SMG5: variants seen among roughly 807,000 people sequenced by gnomAD.
SMG5 encodes SMG5 nonsense mediated mRNA decay factor, also known as nonsense-mediated mRNA decay factor SMG5.
Under a neutral mutation model 122.9 loss-of-function variants are expected in SMG5, and 53 were observed. The observed-to-expected ratio is 0.43, with a 90% CI of 0.35 to 0.54. The LOEUF (loss-of-function observed/expected upper bound fraction) is 0.54, where lower values mean the gene tolerates loss of function less well. Ranked by LOEUF, SMG5 falls within the 20% of genes least tolerant of loss-of-function variation. The pLI, the probability that SMG5 is intolerant of heterozygous loss-of-function variation, is 0.01. For synonymous variants in SMG5, 477 were observed against 490.2 expected, an observed-to-expected ratio of 0.97 and a Z score of 0.35; for missense variants, 1,153 against 1,285.6, an observed-to-expected ratio of 0.90 and a Z score of 1.58.
chr1:156,261,806 C>T (rs1224690312), intron 13 of SMG5, among the ~76,000 whole-genome samples: 1 of 150,150 alleles, frequency 6.7e-6, no homozygotes, highest in South Asian at 2.1e-4. Flanking sequence ...AGGAGAATCG[C>T]TTGAACCCAG....
At position 156,266,689 on chromosome 1, in the gene SMG5, G is replaced by A. The variant is rs905208232; in HGVS notation, c.1118-11C>T. The A allele has an allele frequency of 1.2e-6, 2 of 1,613,954 alleles. No homozygotes were observed. The highest frequency in any genetic ancestry group is 1.3e-5 in the African/African-American group (1 of 74,918). On this transcript the variant is annotated splice_polypyrimidine_tract_variant and intron_variant, in intron 10 of 21. Coordinates refer to ENST00000361813, the MANE Select transcript of SMG5 (RefSeq NM_015327.3). ...TGTACTGCTTGGATCCTGAAGTCAG[G>A]AAAGCCAGGCATTAGGGGCCTAGGG...
chr1:156,276,217 G>C (rs574874802), intron 4 of SMG5, among the ~76,000 whole-genome samples: 6 of 149,162 alleles, frequency 4.0e-5, no homozygotes, highest in Admixed American at 3.4e-4. Context: ...ACCTCCACCT[G>C]CCGGGTTCAG....
At chr1:156,282,037 T>G (rs984896951) in intron 1 of SMG5, among the ~76,000 whole-genome samples, 1 of 152,230 alleles carries the variant, frequency 6.6e-6, no homozygotes, top group African/African-American at 2.4e-5. Flanking sequence ...AAGTCGTTCG[T>G]GACCCTTCCA....
chr1:156,267,670 T>A lies in SMG5; in HGVS notation c.917A>T (p.Asp306Val). ...CTGGCAAAGTGAGGTCAGCTCTGAG[T>A]CCACGGAGCTACAGAGGGGCAGGAG... ...SLLQPKSSSVDSELTSLCQSV... is the reference protein window; with the variant it reads ...SLLQPKSSSVVSELTSLCQSV... The change falls in exon 10 of 22, where the codon GAC becomes GTC. Residue 306 changes from aspartate to valine, a missense_variant. By Grantham distance (152) the Asp-to-Val change is radical. Coordinates refer to ENST00000361813, the MANE Select transcript of SMG5 (RefSeq NM_015327.3). 6.2e-7 allele frequency: 1 copy of A among 1,608,396 alleles called. No homozygotes were observed. The highest frequency in any genetic ancestry group is 2.2e-5 in the East Asian group (1 of 44,776).
At chr1:156,285,600 C>T (rs777765530), upstream of SMG5, 61 of 1,614,100 alleles carry the variant, frequency 3.8e-5, no homozygotes, top group Non-Finnish European at 4.9e-5. Flanking sequence ...CCTGAGAAAG[C>T]GGCCCGTGCC....
chr1:156,288,197 C>CAAAAA, the SMG5 span, among the ~76,000 whole-genome samples: 1 of 56,886 alleles, frequency 1.8e-5, no homozygotes, highest in Non-Finnish European at 3.8e-5. Context: ...GACTCCGTCT[C>CAAAAA]AAAAAAAAAA....
intron 5 of SMG5, among the ~76,000 whole-genome samples, chr1:156,273,759 C>T (rs569859832): frequency 7.4e-6 from 1 of 134,830 alleles, no homozygotes; most frequent in African/African-American, 2.8e-5. Flanking sequence ...GTCTTGCTGT[C>T]ACCCAGGCTG....
At chr1:156,278,696 C>T (rs188848874) in intron 2 of SMG5, among the ~76,000 whole-genome samples, 62 of 152,152 alleles carry the variant, frequency 4.1e-4, no homozygotes, top group Middle Eastern at 3.4e-3. Flanking sequence ...TTTTATTTTA[C>T]TCTACTTTTT....
At chr1:156,250,739 G>A (rs1410931918) in intron 21 of SMG5, 69 bp from the exon 22 acceptor site, 31 of 1,600,966 alleles carry the variant, frequency 1.9e-5, no homozygotes, top group African/African-American at 4.0e-5. Flanking sequence ...TTGTTGAGGC[G>A]CTGGGGAAGG....
At chr1:156,264,239 G>A (rs951616268) in intron 12 of SMG5, among the ~76,000 whole-genome samples, 1 of 122,396 alleles carries the variant, frequency 8.2e-6, no homozygotes, top group Admixed American at 1.1e-4. Flanking sequence ...CTGCACTCCA[G>A]CCTGGGCAAC....
chr1:156,275,857 C>G (rs193178106), intron 4 of SMG5, among the ~76,000 whole-genome samples: 3 of 151,342 alleles, frequency 2.0e-5, no homozygotes, highest in Non-Finnish European at 2.9e-5. Context: ...TGTATTGCCC[C>G]GGCTGGAGTT....
chr1:156,258,762 T>C (rs2103214753), intron 16 of SMG5, among the ~76,000 whole-genome samples: 1 of 151,178 alleles, frequency 6.6e-6, no homozygotes, highest in Admixed American at 6.6e-5. Context: ...CGTCACTTGC[T>C]CCAGCCTGGC....
At chr1:156,266,724 G>A in intron 10 of SMG5, 46 bp from the exon 11 acceptor site, 1 of 1,605,544 alleles carries the variant, frequency 6.2e-7, no homozygotes, top group Non-Finnish European at 8.5e-7. Flanking sequence ...GCCCTGATGA[G>A]GAGTAGGCAC....
At chr1:156,265,034 A>AC (rs1558237912) in intron 12 of SMG5, among the ~76,000 whole-genome samples, 2 of 46,524 alleles carry the variant, frequency 4.3e-5, no homozygotes, top group South Asian at 1.5e-3. Context: ...TCAAAAAAAA[A>AC]ATACACACAC....
In SMG5 at chr1:156,250,522, C is replaced by A; in HGVS notation, c.*65G>T. 1 of 1,431,282 alleles carries A rather than the reference C, an allele frequency of 7.0e-7. No homozygotes were observed. Among genetic ancestry groups the A allele is most frequent in the South Asian group, 1.2e-5 (1 of 86,932 alleles). The allele number at this position is 1,431,282 out of a possible 1,614,324, so 88.7% of individuals were successfully genotyped here. A position where few individuals can be genotyped will look rare whatever the true frequency, so the allele number is the denominator to read the frequency against. On this transcript the variant is annotated 3_prime_UTR_variant, in exon 22 of 22. Coordinates refer to ENST00000361813, the MANE Select transcript of SMG5 (RefSeq NM_015327.3). ...TGGTGGGGTGACTACAGGTGCTGGT[C>A]CTGGCTGCCAGGGAGGGCAGGAGAG...
At chr1:156,268,516 C>T in intron 7 of SMG5, 101 bp from the exon 8 acceptor site, 1 of 1,454,030 alleles carries the variant, frequency 6.9e-7, no homozygotes, top group East Asian at 2.3e-5. Context: ...ACAGGCTGCT[C>T]CCAGCCTCAG....
intron 13 of SMG5, among the ~76,000 whole-genome samples, chr1:156,262,509 G>A (rs1232194627): frequency 1.3e-5 from 2 of 149,594 alleles, no homozygotes; most frequent in East Asian, 3.9e-4. Context: ...GGAGAAAGCA[G>A]CGAAACCACA....
At position 156,268,397 on chromosome 1, in the gene SMG5, G is replaced by A. The variant is rs1269120498; in HGVS notation, c.732C>T (p.Ser244=). The A allele has an allele frequency of 6.2e-7, 1 of 1,614,050 alleles. No individual in the cohort carries two copies. Among genetic ancestry groups the A allele is most frequent in the East Asian group, 2.2e-5 (1 of 44,888 alleles). ...TGAGGTTCCCATAGGCTCCCTCAAA[G>A]GACACTTCTGACTGGATGCTGTAAG... ...CYLRCIQSEV[S]FEGAYGNLKR... The change falls in exon 8 of 22, where the codon TCC becomes TCT. Residue 244 remains serine, a synonymous_variant. Coordinates refer to ENST00000361813, the MANE Select transcript of SMG5 (RefSeq NM_015327.3).
upstream of SMG5, chr1:156,285,047 T>C (rs1039959088): frequency 3.9e-5 from 23 of 587,192 alleles, no homozygotes; most frequent in Non-Finnish European, 6.2e-5. Flanking sequence ...TCTTCCTCTG[T>C]ACCACGTTCT....
Sources: allele counts gnomAD v4.1 joint callset (sites outside exome capture counted in the v4.1 genomes callset), GRCh38; gene constraint gnomAD v4.1.1; transcripts MANE v1.5; gene names NCBI Gene and HGNC (gene_info 2026-07-23, HGNC 2026-07-21).